ROBO2: variants seen among roughly 807,000 people sequenced by gnomAD.
ROBO2 encodes roundabout guidance receptor 2, also known as roundabout homolog 2.
ROBO2 carries 53 observed loss-of-function variants against 160.8 expected under a neutral mutation model. The observed-to-expected ratio is 0.33, with a 90% CI of 0.26 to 0.41. The LOEUF (loss-of-function observed/expected upper bound fraction) is 0.41, where lower values mean the gene tolerates loss of function less well. Ranked by LOEUF, ROBO2 falls within the 10% of genes least tolerant of loss-of-function variation. The pLI is 1.00. For missense variants in ROBO2, 1,577 were observed against 1,722.4 expected, an observed-to-expected ratio of 0.92 and a Z score of 1.49; for synonymous variants, 664 against 611.7, an observed-to-expected ratio of 1.09 and a Z score of -1.26.
intron 2 of ROBO2, among the ~76,000 whole-genome samples, chr3:76,100,448 T>C (rs1198158880): frequency 6.6e-6 from 1 of 152,250 alleles, no homozygotes; most frequent in Admixed American, 6.5e-5. Context: ...ATTGTATGTA[T>C]CTTTCCATTC....
intron 2 of ROBO2, among the ~76,000 whole-genome samples, chr3:76,882,628 A>G (rs112089969): frequency 0.021 from 3,160 of 152,272 alleles, 63 homozygotes; most frequent in African/African-American, 0.043. Flanking sequence ...CTAAAAATAA[A>G]ATTAGCAAAA....
chr3:77,051,017 C>CA (rs5850308), intron 1 of ROBO2, among the ~76,000 whole-genome samples: 69,216 of 132,974 alleles, frequency 0.52, 19,363 homozygotes, highest in Middle Eastern at 0.67. Context: ...GACCCTGTCT[C>CA]AAAAAAAAAA....
At chr3:76,154,727 A>G (rs1390101990) in intron 2 of ROBO2, among the ~76,000 whole-genome samples, 1 of 152,156 alleles carries the variant, frequency 6.6e-6, no homozygotes, top group Non-Finnish European at 1.5e-5. Context: ...AATTGCAACT[A>G]GTCTTCAAAC....
intron 2 of ROBO2, among the ~76,000 whole-genome samples, chr3:76,566,434 C>G (rs1232777592): frequency 6.6e-6 from 1 of 152,088 alleles, no homozygotes; most frequent in Non-Finnish European, 1.5e-5. Context: ...TCCCTTAGGC[C>G]TGAAATACTG....
chr3:76,658,419 G>T (rs2091672110), intron 2 of ROBO2, among the ~76,000 whole-genome samples: 1 of 151,910 alleles, frequency 6.6e-6, no homozygotes, highest in Non-Finnish European at 1.5e-5. Context: ...CACGTGCCAT[G>T]GTGGTTTGCT....
At chr3:77,361,571 A>G (rs902488716) in intron 2 of ROBO2, among the ~76,000 whole-genome samples, 1 of 152,122 alleles carries the variant, frequency 6.6e-6, no homozygotes, top group Non-Finnish European at 1.5e-5. Flanking sequence ...CAGCAGATTC[A>G]GTGTCTGGTG....
intron 2 of ROBO2, among the ~76,000 whole-genome samples, chr3:76,907,584 T>C (rs2075688900): frequency 6.6e-6 from 1 of 152,098 alleles, no homozygotes; most frequent in Non-Finnish European, 1.5e-5. Flanking sequence ...GGATGAGCAG[T>C]AGGGACAAAA....
intron 2 of ROBO2, among the ~76,000 whole-genome samples, chr3:77,262,184 G>C (rs2058820516): frequency 6.6e-6 from 1 of 152,096 alleles, no homozygotes; most frequent in Non-Finnish European, 1.5e-5. Flanking sequence ...GGATATCTTT[G>C]AGATGAAGGT....
chr3:76,573,495 T>C (rs555060535), intron 2 of ROBO2, among the ~76,000 whole-genome samples: 1 of 152,130 alleles, frequency 6.6e-6, no homozygotes, highest in South Asian at 2.1e-4. Flanking sequence ...AACAAATGTT[T>C]TCTGTCCCGT....
intron 1 of ROBO2, among the ~76,000 whole-genome samples, chr3:75,916,749 AG>A (rs908833216): frequency 6.6e-6 from 1 of 152,010 alleles, no homozygotes; most frequent in African/African-American, 2.4e-5. Flanking sequence ...ATGAAGATAA[AG>A]GGGGAGATAA....
rs2094665760 is a variant in ROBO2 at position 77,612,430 on chromosome 3, C to G, written c.3293+4476C>G. 2.0e-5 allele frequency among the ~76,000 whole-genome samples: 3 copies of G among 152,172 alleles called. No individual in the cohort carries two copies. The South Asian group carries it at 6.2e-4, about 32-fold the overall frequency. ...ACCATAGAGATAACAGACCATTCTTCTCCTTCATATGATATACACCATGCC... is the reference window on the plus strand; with the variant it reads ...ACCATAGAGATAACAGACCATTCTTGTCCTTCATATGATATACACCATGCC... On this transcript the variant is annotated intron_variant, in intron 21 of 25. Coordinates refer to ENST00000461745, the Ensembl canonical transcript of ROBO2.
chr3:77,266,011 T>A (rs2059098609), intron 2 of ROBO2, among the ~76,000 whole-genome samples: 1 of 152,104 alleles, frequency 6.6e-6, no homozygotes, highest in African/African-American at 2.4e-5. Context: ...CTATTCTACG[T>A]ATTTGGTAAG....
intron 2 of ROBO2, among the ~76,000 whole-genome samples, chr3:76,866,887 T>C (rs1228924259): frequency 1.3e-5 from 2 of 152,126 alleles, no homozygotes; most frequent in Non-Finnish European, 2.9e-5. Context: ...CCCAGTCCCC[T>C]GGGATTTTCT....
chr3:77,295,698 G>T (rs887503141), intron 2 of ROBO2, among the ~76,000 whole-genome samples: 7 of 151,350 alleles, frequency 4.6e-5, no homozygotes, highest in Non-Finnish European at 8.8e-5. Flanking sequence ...GGAAGTTGAG[G>T]CTAGATCACT....
chr3:76,097,061 A>T (rs1388140435), intron 2 of ROBO2, among the ~76,000 whole-genome samples: 3 of 146,598 alleles, frequency 2.0e-5, no homozygotes, highest in Non-Finnish European at 4.4e-5. Flanking sequence ...ATCTATGATT[A>T]AAAAAAAGTG....
chr3:76,103,702 G>A (rs1003604611), intron 2 of ROBO2, among the ~76,000 whole-genome samples: 1 of 152,188 alleles, frequency 6.6e-6, no homozygotes, highest in Non-Finnish European at 1.5e-5. Context: ...CTTAAAAAGA[G>A]GTGAACAAAT....
chr3:76,007,145 G>T (rs1366842644), intron 2 of ROBO2, among the ~76,000 whole-genome samples: 1 of 151,892 alleles, frequency 6.6e-6, no homozygotes, highest in Non-Finnish European at 1.5e-5. Context: ...TTACTTTTGT[G>T]CATTATTATT....
At chr3:77,529,147 G>A (rs2091432556) in intron 6 of ROBO2, among the ~76,000 whole-genome samples, 1 of 150,814 alleles carries the variant, frequency 6.6e-6, no homozygotes, top group African/African-American at 2.4e-5. Flanking sequence ...AATAAAATAA[G>A]TGGAAAGATT....
Position 77,548,156 on chromosome 3 carries a change from T to TAC in ROBO2, c.1059+1712_1059+1713dup, listed in dbSNP as rs147388507. Among the ~76,000 whole-genome samples, 564 of 147,368 alleles carry TAC rather than the reference T, an allele frequency of 3.8e-3. 2 individuals are homozygous for TAC. Among genetic ancestry groups the TAC allele is most frequent in the African/African-American group, 0.012 (484 of 40,390 alleles). On this transcript the variant is annotated intron_variant, in intron 7 of 25. Transcript: ENST00000461745. ...ACATACACATACACATACATACACATACACACACACACACACACAAAAAGG... is the reference window on the plus strand; with the variant it reads ...ACATACACATACACATACATACACATACACACACACACACACACACAAAAAGG...
Sources: allele counts gnomAD v4.1 joint callset (sites outside exome capture counted in the v4.1 genomes callset), GRCh38; gene constraint gnomAD v4.1.1; transcripts MANE v1.5; gene names NCBI Gene and HGNC (gene_info 2026-07-23, HGNC 2026-07-21).